Variants in TRAK1 observed in about 807,000 individuals in gnomAD.
TRAK1 encodes the protein trafficking kinesin-binding protein 1.
A neutral mutation model predicts 92.1 loss-of-function variants in TRAK1; 33 were observed. The ratio of observed to expected loss-of-function variants is 0.36; its 90% CI spans 0.27 to 0.48. The LOEUF (loss-of-function observed/expected upper bound fraction) is 0.48, where lower values mean the gene tolerates loss of function less well. TRAK1 is among the 20% of genes least tolerant of loss of function. The probability of loss-of-function intolerance (pLI) is 0.99; values close to 1 mark genes in which losing one functional copy is unlikely to be tolerated. For missense variants in TRAK1, 1,123 were observed against 1,257.9 expected, an observed-to-expected ratio of 0.89 and a Z score of 1.62; for synonymous variants, 521 against 517.3, an observed-to-expected ratio of 1.01 and a Z score of -0.10.
Position 42,149,722 on chromosome 3 carries a change from G to A in TRAK1, c.286+24108G>A, listed in dbSNP as rs548889447. On this transcript the variant is annotated intron_variant, in intron 2 of 15. Coordinates refer to ENST00000327628, the MANE Select transcript of TRAK1 (RefSeq NM_001042646.3). Reference sequence around the variant, plus strand: ...TGGCGGGTGGGAGGTACCAGAACTAGCACCACTGGCTCTGGCAATTCCAAA... The same window carrying A: ...TGGCGGGTGGGAGGTACCAGAACTAACACCACTGGCTCTGGCAATTCCAAA... 134 of 1,254,148 alleles carry A rather than the reference G, an allele frequency of 1.1e-4. No individual in the cohort carries two copies. The East Asian group carries it at 3.4e-3, about 32-fold the overall frequency. 77.7% of individuals were successfully genotyped at this position (1,254,148 alleles called of 1,614,324 possible).
chr3:42,169,360 T>G (rs540608426), intron 2 of TRAK1, among the ~76,000 whole-genome samples: 1 of 152,284 alleles, frequency 6.6e-6, no homozygotes, highest in South Asian at 2.1e-4. Context: ...ATTCACCAAT[T>G]GATGGACTTT....
At chr3:42,160,736 A>C (rs1179565470) in intron 2 of TRAK1, among the ~76,000 whole-genome samples, 1 of 151,696 alleles carries the variant, frequency 6.6e-6, no homozygotes, top group African/African-American at 2.4e-5. Flanking sequence ...AATTATTATG[A>C]CTTCTGTCAC....
intron 1 of TRAK1, among the ~76,000 whole-genome samples, chr3:42,100,858 A>G (rs6809665): frequency 0.55 from 82,956 of 151,954 alleles, 23,375 homozygotes; most frequent in South Asian, 0.68. Context: ...TAGTAGAGAC[A>G]GGGTTTCACC....
At chr3:42,193,661 A>G (rs552925858) in intron 8 of TRAK1, among the ~76,000 whole-genome samples, 163 bp from the exon 9 acceptor site, 1 of 152,326 alleles carries the variant, frequency 6.6e-6, no homozygotes, top group African/African-American at 2.4e-5. Context: ...TGGATATAGG[A>G]AAGACTTTAC....
chr3:42,178,227 G>A (rs78753501), intron 3 of TRAK1, among the ~76,000 whole-genome samples: 2,098 of 152,128 alleles, frequency 0.014, 42 homozygotes, highest in African/African-American at 0.043. Context: ...GGCCTCAGCA[G>A]TGAGATTGTA....
intron 2 of TRAK1, among the ~76,000 whole-genome samples, chr3:42,169,291 C>T (rs1328640772): frequency 6.6e-6 from 1 of 151,676 alleles, no homozygotes; most frequent in Non-Finnish European, 1.5e-5. Flanking sequence ...CATGCATGAA[C>T]TTCATTCCTT....
At chr3:42,136,642 T>TA (rs1553729333) in intron 2 of TRAK1, among the ~76,000 whole-genome samples, 1 of 149,066 alleles carries the variant, frequency 6.7e-6, no homozygotes, top group East Asian at 2.0e-4. Context: ...GAAAAATAAA[T>TA]AAAAAATAAA....
rs149768052 is a variant in TRAK1 at position 42,112,344 on chromosome 3, C to T, written c.92-13076C>T. ...TTGGGAGGCTGAGGCACAAGAATCA[C>T]TTGAACCTGGGAGGTGGAGGTTGCA... On this transcript the variant is annotated intron_variant, in intron 1 of 15. Transcript: ENST00000327628. Among the ~76,000 whole-genome samples, 60 of 150,154 alleles carry T rather than the reference C, an allele frequency of 4.0e-4. No individual in the cohort carries two copies. In the East Asian group the frequency reaches 0.012, roughly 29 times the overall value.
chr3:42,022,737 A>AAAAC (rs71078407), intron 1 of TRAK1, among the ~76,000 whole-genome samples: 134,943 of 150,486 alleles, frequency 0.9, 62,207 homozygotes, highest in East Asian at 1. Context: ...AAAAAAAACA[A>AAAAC]AAACAAAAAA....
intron 2 of TRAK1, among the ~76,000 whole-genome samples, chr3:42,135,328 CTG>C (rs2149191071): frequency 6.6e-6 from 1 of 152,348 alleles, no homozygotes; most frequent in African/African-American, 2.4e-5. Flanking sequence ...GCTGCTGTCT[CTG>C]TATTTCCAGG....
chr3:42,118,345 G>T (rs921115149), intron 1 of TRAK1, among the ~76,000 whole-genome samples: 1 of 152,138 alleles, frequency 6.6e-6, no homozygotes, highest in African/African-American at 2.4e-5. Flanking sequence ...GCCCGCCTCG[G>T]CCTCCCAAAG....
At chr3:42,181,893 T>C (rs1025027202) in intron 3 of TRAK1, among the ~76,000 whole-genome samples, 3 of 151,926 alleles carry the variant, frequency 2.0e-5, no homozygotes, top group Non-Finnish European at 4.4e-5. Flanking sequence ...TCCTTTCCTC[T>C]AGGTACCTAA....
chr3:42,219,110 A>G, intron 14 of TRAK1: 1 of 985,386 alleles, frequency 1.0e-6, no homozygotes, highest in Non-Finnish European at 1.2e-6. Flanking sequence ...GCCAATGCAA[A>G]GAAATGTAAA....
intron 13 of TRAK1, 92 bp from the exon 14 acceptor site, chr3:42,209,675 C>T (rs1559390450): frequency 7.5e-7 from 1 of 1,336,756 alleles, no homozygotes; most frequent in Non-Finnish European, 1.0e-6. Flanking sequence ...ACGCTAAGCA[C>T]TTTGAGGGTG....
rs78852528 is a variant in TRAK1 at position 42,164,652 on chromosome 3, G to C, written c.287-12162G>C. 6.6e-3 allele frequency among the ~76,000 whole-genome samples: 1,004 copies of C among 152,312 alleles called. 6 individuals are homozygous for C. Among genetic ancestry groups the C allele is most frequent in the African/African-American group, 0.021 (879 of 41,556 alleles). ...GTGGGTGCTCCTGGGAGACCAGGCA[G>C]CAGGAGAGGGCTTGGCTCTCACTGT... On this transcript the variant is annotated intron_variant, in intron 2 of 15. Transcript: ENST00000327628.
At chr3:42,113,389 TA>T (rs1708739477) in intron 1 of TRAK1, among the ~76,000 whole-genome samples, 1 of 22,846 alleles carries the variant, frequency 4.4e-5, no homozygotes, top group African/African-American at 2.2e-4. Context: ...CCCCTACCCC[TA>T]CCCCTACCTC....
intron 13 of TRAK1, among the ~76,000 whole-genome samples, chr3:42,207,719 G>T (rs1168981661): frequency 1.3e-5 from 2 of 152,212 alleles, no homozygotes; most frequent in Non-Finnish European, 2.9e-5. Context: ...CCACGAACTG[G>T]TCTCTGCAGG....
In TRAK1 at chr3:42,202,244, A is replaced by G. The variant is rs1055681137; in HGVS notation, c.1428-192A>G. ...CACCCCACCTCAACCCCACTAAAAA[A>G]GACCCCTGGCGGGAGTGGTTCTGGA... On this transcript the variant is annotated intron_variant, in intron 12 of 15. Transcript: ENST00000327628. This position sits in a 1 kb window ranked among gnomAD's most constrained non-coding sequence, Gnocchi z 6.1. 1.3e-5 allele frequency among the ~76,000 whole-genome samples: 2 copies of G among 152,124 alleles called. No individual in the cohort carries two copies. The highest frequency in any genetic ancestry group is 2.9e-5 in the Non-Finnish European group (2 of 68,032).
At chr3:42,186,461 T>A (rs1408317306) in intron 4 of TRAK1, among the ~76,000 whole-genome samples, 1 of 152,208 alleles carries the variant, frequency 6.6e-6, no homozygotes, top group Admixed American at 6.5e-5. Flanking sequence ...AAAGTTTTAA[T>A]CCTGGGCTTT....
Sources: allele counts gnomAD v4.1 joint callset (sites outside exome capture counted in the v4.1 genomes callset), GRCh38; gene constraint gnomAD v4.1.1; non-coding constraint Gnocchi (gnomAD v3.1); transcripts MANE v1.5; gene names NCBI Gene and HGNC (gene_info 2026-07-23, HGNC 2026-07-21).